Variants in CSMD1 observed in about 807,000 individuals in gnomAD.
CSMD1 encodes the protein CUB and sushi domain-containing protein 1.
CSMD1 carries 213 observed loss-of-function variants against 417.5 expected under a neutral mutation model. The observed-to-expected ratio is 0.51, with a 90% CI of 0.46 to 0.57. The LOEUF is 0.57. CSMD1 is among the 20% of genes least tolerant of loss of function. CSMD1 has a pLI of 0.00. For missense variants in CSMD1, 6,923 were observed against 4,529.7 expected (o/e 1.53, Z -15.17); for synonymous variants, 2,862 against 1,736.8 (o/e 1.65, Z -16.11).
chr8:4,971,435 A>G (rs570865667), intron 1 of CSMD1, among the ~76,000 whole-genome samples: 6 of 152,198 alleles, frequency 3.9e-5, no homozygotes, highest in South Asian at 2.1e-4. Context: ...TCAAGTTTCC[A>G]TAATTCTAAC....
chr8:4,094,297 G>A (rs1800884096), intron 3 of CSMD1, among the ~76,000 whole-genome samples: 1 of 152,118 alleles, frequency 6.6e-6, no homozygotes, highest in Non-Finnish European at 1.5e-5. Context: ...GGAACAAGGA[G>A]AAGAATCAGC....
intron 4 of CSMD1, among the ~76,000 whole-genome samples, chr8:4,023,753 A>ATTTTTTTTTTT (rs760333220): frequency 2.0e-5 from 1 of 50,100 alleles, no homozygotes; most frequent in Non-Finnish European, 3.5e-5. Flanking sequence ...CGCTCGGCTA[A>ATTTTTTTTTTT]TTTTTTTTTT....
intron 2 of CSMD1, among the ~76,000 whole-genome samples, chr8:4,513,251 CA>C (rs1184584391): frequency 6.6e-6 from 1 of 152,196 alleles, no homozygotes; most frequent in East Asian, 1.9e-4. Context: ...TGTGTGGGGA[CA>C]GGGGGTATAT....
intron 2 of CSMD1, among the ~76,000 whole-genome samples, chr8:4,600,481 GAT>G (rs1225254852): frequency 6.6e-6 from 1 of 152,194 alleles, no homozygotes; most frequent in East Asian, 1.9e-4. Context: ...TCTGTTTACA[GAT>G]ATAATAGGCT....
At chr8:4,139,875 G>A (rs1408710391) in intron 3 of CSMD1, among the ~76,000 whole-genome samples, 1 of 150,884 alleles carries the variant, frequency 6.6e-6, no homozygotes, top group Non-Finnish European at 1.5e-5. Context: ...AGATCAGCAT[G>A]TTCATCAGAA....
chr8:4,568,159 T>A (rs1585261562), intron 2 of CSMD1, among the ~76,000 whole-genome samples: 1 of 152,170 alleles, frequency 6.6e-6, no homozygotes, highest in East Asian at 1.9e-4. Flanking sequence ...TAAAAAAATA[T>A]ATAAGTTATG....
At chr8:3,426,635 G>A (rs891786620) in intron 12 of CSMD1, among the ~76,000 whole-genome samples, 4 of 152,152 alleles carry the variant, frequency 2.6e-5, no homozygotes, top group Non-Finnish European at 4.4e-5. Context: ...TTCAAGGTGA[G>A]ATGCCATAAT....
chr8:4,636,722 AG>A (rs943988040), intron 2 of CSMD1, among the ~76,000 whole-genome samples: 7 of 152,262 alleles, frequency 4.6e-5, no homozygotes, highest in Non-Finnish European at 8.8e-5. Flanking sequence ...TTTTAAGTAT[AG>A]AAAAAGTATG....
intron 35 of CSMD1, 117 bp from the exon 36 acceptor site, chr8:3,188,082 G>A (rs764248711): frequency 4.8e-4 from 157 of 327,418 alleles, no homozygotes; most frequent in Admixed American, 1.7e-3. Context: ...ATATACATAT[G>A]TATATGTATA....
chr8:3,647,085 A>C (rs1797614128), intron 7 of CSMD1, among the ~76,000 whole-genome samples: 1 of 152,188 alleles, frequency 6.6e-6, no homozygotes. Flanking sequence ...TGGAGAGTCC[A>C]GCCCTTGTCA....
chr8:4,148,306 G>GACATGTGGCAT (rs759631343), intron 3 of CSMD1, among the ~76,000 whole-genome samples: 23 of 143,534 alleles, frequency 1.6e-4, no homozygotes, highest in Non-Finnish European at 3.0e-4. Flanking sequence ...CTCATAGGTG[G>GACATGTGGCAT]GAATTGAACA....
chr8:4,480,543 C>T (rs75790224), intron 2 of CSMD1, among the ~76,000 whole-genome samples: 2 of 152,168 alleles, frequency 1.3e-5, no homozygotes, highest in Admixed American at 6.5e-5. Context: ...TTGCACCATG[C>T]GTCAAGCGGA....
At chr8:4,155,144 T>C (rs1359018365) in intron 3 of CSMD1, among the ~76,000 whole-genome samples, 10 of 152,108 alleles carry the variant, frequency 6.6e-5, no homozygotes, top group Non-Finnish European at 1.5e-4. Flanking sequence ...ATGCTACAGA[T>C]GAGATAAAAG....
At chr8:4,259,764 G>A (rs779368305) in intron 3 of CSMD1, among the ~76,000 whole-genome samples, 2 of 151,922 alleles carry the variant, frequency 1.3e-5, no homozygotes, top group African/African-American at 4.8e-5. Context: ...ACCCTAAGAA[G>A]AAGAGATTAA....
At position 3,801,936 on chromosome 8, in the gene CSMD1, G is replaced by A. The variant is rs1444862430; in HGVS notation, c.819-47894C>T. 3.3e-5 allele frequency among the ~76,000 whole-genome samples: 5 copies of A among 152,044 alleles called. No homozygotes were observed. In the South Asian group the frequency reaches 1.0e-3, roughly 31 times the overall value. Reference sequence around the variant, plus strand: ...CTAGGGTATAGGGTGGGGAGTCAGGGTAGAACAGAAAATGACTGATAATAG... The same window carrying A: ...CTAGGGTATAGGGTGGGGAGTCAGGATAGAACAGAAAATGACTGATAATAG... On this transcript the variant is annotated intron_variant, in intron 5 of 69. Transcript: ENST00000635120.
At chr8:3,786,299 G>C (rs1335926492) in intron 5 of CSMD1, among the ~76,000 whole-genome samples, 1 of 152,116 alleles carries the variant, frequency 6.6e-6, no homozygotes, top group Non-Finnish European at 1.5e-5. Context: ...GAGACCTGAG[G>C]GTGGAGACAA....
chr8:4,816,244 G>A (rs1455073396), intron 1 of CSMD1, among the ~76,000 whole-genome samples: 4 of 151,978 alleles, frequency 2.6e-5, no homozygotes, highest in Non-Finnish European at 5.9e-5. Flanking sequence ...GAGTGCAGTA[G>A]TGCAATCTTG....
chr8:3,157,747 T>G (rs1316717438), intron 39 of CSMD1, 150 bp downstream of exon 39: 1 of 633,562 alleles, frequency 1.6e-6, no homozygotes, highest in Non-Finnish European at 2.8e-6. Flanking sequence ...AAACGCATCA[T>G]TCTGCTCTAC....
chr8:3,182,874 GTGTGTGTGTGTGTGTGTGTGTGTA>G (rs1438562732), intron 36 of CSMD1: 1 of 138,626 alleles, frequency 7.2e-6, no homozygotes, highest in Non-Finnish European at 1.5e-5. Flanking sequence ...GTGTGTGTGT[GTGTGTGTGTGTGTGTGTGTGTGTA>G]TTGTTAGTAG....
Sources: allele counts gnomAD v4.1 joint callset (sites outside exome capture counted in the v4.1 genomes callset), GRCh38; gene constraint gnomAD v4.1.1; transcripts MANE v1.5; gene names NCBI Gene and HGNC (gene_info 2026-07-23, HGNC 2026-07-21).